The following CHST9 variants were observed in gnomAD, a reference collection of about 807,000 sequenced individuals.
CHST9 encodes GalNAc-4-sulfotransferase 2.
In CHST9, 41 loss-of-function variants were observed where a neutral mutation model predicts 44.4. The observed-to-expected ratio is 0.92, with a 90% CI of 0.72 to 1.20. The LOEUF (loss-of-function observed/expected upper bound fraction) is 1.20, where lower values mean the gene tolerates loss of function less well. Among genes scored for constraint, CHST9 ranks in the 50% most tolerant of loss-of-function variants. The pLI, the probability that CHST9 is intolerant of heterozygous loss-of-function variation, is 0.00. For missense variants in CHST9, 504 were observed against 516.5 expected (o/e 0.98, Z 0.23); for synonymous variants, 171 against 178.4 (o/e 0.96, Z 0.33).
rs1459200002 is a variant in CHST9 at position 26,916,793 on chromosome 18, T to C, written c.798A>G (p.Ile266Met). Residue 266 changes from isoleucine (I) to methionine (M), a missense_variant, in exon 6 of 6, where the codon ATA becomes ATG. Ile to Met is a conservative substitution (Grantham distance 10). Transcript: ENST00000618847. ...TGGTGTAAGTATTTAAGCGGGTATA[T>C]ATCCCTTTTAGGTCAAAGCTATCTA... ...KKLDSFDLKG[I>M]YTRLNTYTKA... 6.2e-7 allele frequency: 1 copy of C among 1,613,886 alleles called. No homozygotes were observed. Among genetic ancestry groups the C allele is most frequent in the Admixed American group, 1.7e-5 (1 of 60,008 alleles).
chr18:26,979,086 G>A (rs996554760), intron 4 of CHST9, among the ~76,000 whole-genome samples: 2 of 151,884 alleles, frequency 1.3e-5, no homozygotes, highest in Non-Finnish European at 2.9e-5. Flanking sequence ...TTATCCTTGA[G>A]CATGTTACCC....
chr18:26,989,282 A>C (rs1031598438), intron 4 of CHST9, among the ~76,000 whole-genome samples: 3 of 152,194 alleles, frequency 2.0e-5, no homozygotes, highest in African/African-American at 7.2e-5. Context: ...TTGAACAGGC[A>C]CTTCACCAAG....
chr18:26,949,780 G>C (rs1671098141), intron 4 of CHST9, among the ~76,000 whole-genome samples: 1 of 152,190 alleles, frequency 6.6e-6, no homozygotes, highest in Admixed American at 6.5e-5. Context: ...TCTGGACACA[G>C]CCAGTGTAAT....
chr18:27,002,946 GAAATTA>G (rs2056970882), intron 4 of CHST9, among the ~76,000 whole-genome samples: 1 of 152,132 alleles, frequency 6.6e-6, no homozygotes, highest in African/African-American at 2.4e-5. Context: ...TTAAAAAACT[GAAATTA>G]AAATTAATTT....
chr18:26,978,135 A>C (rs2056646562), intron 4 of CHST9, among the ~76,000 whole-genome samples: 1 of 141,856 alleles, frequency 7.0e-6, no homozygotes, highest in Admixed American at 7.0e-5. Context: ...AGTGGAAAAT[A>C]GATTTTTTTT....
chr18:27,067,560 T>C (rs1189793725), intron 2 of CHST9, among the ~76,000 whole-genome samples: 1 of 152,184 alleles, frequency 6.6e-6, no homozygotes, highest in South Asian at 2.1e-4. Flanking sequence ...CCAAGGTGTT[T>C]CTTTTTCATT....
chr18:27,013,669 C>A (rs1455328841), intron 4 of CHST9, among the ~76,000 whole-genome samples: 1 of 152,162 alleles, frequency 6.6e-6, no homozygotes, highest in African/African-American at 2.4e-5. Context: ...TTGCTTCTCT[C>A]TTTTGCATAT....
chr18:27,132,758 G>A (rs1238305424), intron 2 of CHST9, among the ~76,000 whole-genome samples: 2 of 152,162 alleles, frequency 1.3e-5, no homozygotes, highest in African/African-American at 4.8e-5. Context: ...AGTGCTCACC[G>A]TGGGTAGGAA....
chr18:27,140,827 A>C (rs894747968), intron 2 of CHST9, among the ~76,000 whole-genome samples: 55 of 152,238 alleles, frequency 3.6e-4, no homozygotes, highest in African/African-American at 1.3e-3. Context: ...AAATTATTTC[A>C]GTAGTATAGA....
chr18:26,942,738 C>A (rs1405647243), intron 5 of CHST9, among the ~76,000 whole-genome samples: 1 of 152,248 alleles, frequency 6.6e-6, no homozygotes, highest in South Asian at 2.1e-4. Flanking sequence ...AAAATAGCAG[C>A]AGTAAACTTT....
At chr18:26,937,268 C>T (rs553675039) in intron 5 of CHST9, among the ~76,000 whole-genome samples, 41 of 152,098 alleles carry the variant, frequency 2.7e-4, no homozygotes, top group Middle Eastern at 6.8e-3. Context: ...AGTAATTTAC[C>T]GCTCAACAGG....
intron 5 of CHST9, among the ~76,000 whole-genome samples, chr18:26,932,516 C>T (rs897674391): frequency 3.3e-5 from 5 of 151,988 alleles, no homozygotes; most frequent in African/African-American, 9.7e-5. Context: ...CAAGCCAGCA[C>T]TTGTGGAGCT....
chr18:26,978,425 T>C (rs1568118579), intron 4 of CHST9, among the ~76,000 whole-genome samples: 1 of 152,168 alleles, frequency 6.6e-6, no homozygotes, highest in Non-Finnish European at 1.5e-5. Flanking sequence ...TAATAATCTT[T>C]TCATTTATTG....
intron 2 of CHST9, among the ~76,000 whole-genome samples, chr18:27,131,352 C>G (rs2058470017): frequency 6.6e-6 from 1 of 151,138 alleles, no homozygotes. Context: ...GAGTTCGAGA[C>G]CAGCCTGGCC....
At chr18:27,159,694 T>A in intron 1 of CHST9, among the ~76,000 whole-genome samples, 1 of 152,210 alleles carries the variant, frequency 6.6e-6, no homozygotes, top group African/African-American at 2.4e-5. Flanking sequence ...ATAAATTACC[T>A]TGGGCAGTAT....
rs2057415504 is a variant in CHST9 at position 27,038,751 on chromosome 18, T to A, written c.160+9714A>T. ...AACTTTATTGTTTCCATAGACTACA[T>A]TTTTCTTCAATGATTGCATCATGTA... On this transcript the variant is annotated intron_variant, in intron 3 of 5. Transcript: ENST00000618847. Among the ~76,000 whole-genome samples the A allele has an allele frequency of 2.0e-5, 3 of 152,286 alleles. No individual in the cohort carries two copies. The East Asian group carries it at 5.8e-4, about 29-fold the overall frequency.
At chr18:26,926,058 A>G (rs1363395557) in intron 5 of CHST9, among the ~76,000 whole-genome samples, 1 of 152,260 alleles carries the variant, frequency 6.6e-6, no homozygotes, top group East Asian at 1.9e-4. Context: ...GAAAGAAAAC[A>G]GAAGAAAAGA....
intron 4 of CHST9, among the ~76,000 whole-genome samples, chr18:26,975,433 C>T (rs2056605426): frequency 6.6e-6 from 1 of 151,766 alleles, no homozygotes; most frequent in African/African-American, 2.4e-5. Context: ...CTCCCACTGC[C>T]CCCACCACTC....
At chr18:27,131,508 A>G (rs1028003929) in intron 2 of CHST9, among the ~76,000 whole-genome samples, 5 of 152,246 alleles carry the variant, frequency 3.3e-5, no homozygotes, top group East Asian at 1.9e-4. Flanking sequence ...CCAAGATCGC[A>G]CTATTGCACT....
Sources: gnomAD v4.1 joint callset for allele counts (sites outside exome capture counted in the v4.1 genomes callset) on GRCh38, gnomAD v4.1.1 for gene constraint, MANE v1.5 for transcripts, NCBI Gene and HGNC (gene_info 2026-07-23, HGNC 2026-07-21) for gene names.